CAMK4: variants seen among roughly 807,000 people sequenced by gnomAD.
CAMK4 encodes calcium/calmodulin dependent protein kinase IV, also known as calcium/calmodulin-dependent protein kinase type IV.
Under a neutral mutation model 44.9 loss-of-function variants are expected in CAMK4, and 22 were observed. That is an observed-to-expected ratio of 0.49 (90% CI 0.35 to 0.70). The LOEUF is 0.70. Ranked by LOEUF, CAMK4 falls within the 30% of genes least tolerant of loss-of-function variation. The pLI, the probability that CAMK4 is intolerant of heterozygous loss-of-function variation, is 0.01. For synonymous variants in CAMK4, 218 were observed against 215.4 expected (o/e 1.01, Z -0.11); for missense variants, 498 against 586.8 (o/e 0.85, Z 1.56).
At chr5:111,264,832 C>A (rs753715825) in intron 1 of CAMK4, among the ~76,000 whole-genome samples, 1 of 152,048 alleles carries the variant, frequency 6.6e-6, no homozygotes, top group Non-Finnish European at 1.5e-5. Flanking sequence ...TCCCCTGTTT[C>A]CCTGAGGTCT....
intron 5 of CAMK4, among the ~76,000 whole-genome samples, chr5:111,442,831 A>G (rs1050666751): frequency 6.7e-6 from 1 of 149,316 alleles, no homozygotes; most frequent in Non-Finnish European, 1.5e-5. Flanking sequence ...ATATTTTTAA[A>G]TATTTTAATA....
intron 1 of CAMK4, among the ~76,000 whole-genome samples, chr5:111,236,035 C>T (rs1269103240): frequency 6.6e-6 from 1 of 152,180 alleles, no homozygotes; most frequent in Non-Finnish European, 1.5e-5. Flanking sequence ...GGCATAAAGC[C>T]CCGCACCTCA....
chr5:111,363,167 A>C (rs989792997), intron 2 of CAMK4, among the ~76,000 whole-genome samples: 3 of 152,050 alleles, frequency 2.0e-5, no homozygotes, highest in Admixed American at 6.6e-5. Flanking sequence ...ATATTTTTCC[A>C]AGTGTTCTTC....
At position 111,487,034 on chromosome 5, in the gene CAMK4, T is replaced by C. The variant is rs1435420246; in HGVS notation, c.*2568T>C. 1 of 152,202 alleles carries C rather than the reference T, an allele frequency of 6.6e-6. No homozygotes were observed. The highest frequency in any genetic ancestry group is 2.4e-5 in the African/African-American group (1 of 41,452). 9.4% of individuals were successfully genotyped at this position (152,202 alleles called of 1,614,324 possible). The stretch of plus-strand genomic sequence containing the variant: ...CATATACATACATCCTAAGTTAGGA[T>C]AATTATGTTAACATTTTTGAAAGAA... On this transcript the variant is annotated 3_prime_UTR_variant, in exon 11 of 11. Coordinates refer to ENST00000282356, the MANE Select transcript of CAMK4 (RefSeq NM_001744.6).
intron 1 of CAMK4, among the ~76,000 whole-genome samples, chr5:111,249,628 G>C (rs1749391909): frequency 7.7e-6 from 1 of 130,366 alleles, no homozygotes; most frequent in Non-Finnish European, 1.6e-5. Context: ...ATATTTGTGT[G>C]TATATATATA....
chr5:111,273,677 T>TTATATATATATATA (rs1160351356), intron 1 of CAMK4, among the ~76,000 whole-genome samples: 14 of 41,112 alleles, frequency 3.4e-4, no homozygotes, highest in East Asian at 6.2e-4. Context: ...AAAAATGCAT[T>TTATATATATATATA]TATATATATA....
intron 9 of CAMK4, among the ~76,000 whole-genome samples, chr5:111,481,532 G>A (rs1413734177): frequency 3.9e-5 from 6 of 152,266 alleles, no homozygotes; most frequent in South Asian, 2.1e-4. Context: ...TTGACTTGCC[G>A]CCTGATTTCC....
At chr5:111,446,636 A>G (rs770541384) in intron 5 of CAMK4, 50 bp from the exon 6 acceptor site, 5 of 933,696 alleles carry the variant, frequency 5.4e-6, no homozygotes, top group Middle Eastern at 2.2e-4. Context: ...TAGACATTCG[A>G]ACCATAAATA....
intron 1 of CAMK4, among the ~76,000 whole-genome samples, chr5:111,313,208 G>C (rs1748283121): frequency 6.6e-6 from 1 of 152,030 alleles, no homozygotes; most frequent in Non-Finnish European, 1.5e-5. Flanking sequence ...CCTCTCCTCT[G>C]CCTATGAGAT....
chr5:111,383,600 A>T (rs1353652658), intron 4 of CAMK4, among the ~76,000 whole-genome samples: 1 of 150,484 alleles, frequency 6.6e-6, no homozygotes, highest in Non-Finnish European at 1.5e-5. Context: ...CTGGAATTAG[A>T]TGTGTTACAA....
chr5:111,423,657 C>T (rs537645197), intron 5 of CAMK4, among the ~76,000 whole-genome samples: 1 of 152,328 alleles, frequency 6.6e-6, no homozygotes, highest in East Asian at 1.9e-4. Context: ...TTGAATATCA[C>T]TGAGGGAGAG....
chr5:111,400,067 G>A (rs1391400834), intron 5 of CAMK4, among the ~76,000 whole-genome samples: 2 of 152,060 alleles, frequency 1.3e-5, no homozygotes, highest in Non-Finnish European at 2.9e-5. Context: ...TCTGACTCAA[G>A]TCTGCAAAGA....
intron 1 of CAMK4, among the ~76,000 whole-genome samples, chr5:111,331,051 G>A (rs1258698737): frequency 6.6e-6 from 1 of 151,626 alleles, no homozygotes; most frequent in African/African-American, 2.4e-5. Flanking sequence ...TTTATGACTT[G>A]AGGATGAGCA....
At chr5:111,264,023 C>T (rs1285642897) in intron 1 of CAMK4, among the ~76,000 whole-genome samples, 2 of 152,216 alleles carry the variant, frequency 1.3e-5, no homozygotes, top group Non-Finnish European at 2.9e-5. Context: ...AACTGCCAAG[C>T]TTACTACTTT....
At chr5:111,325,472 C>A (rs530178197) in intron 1 of CAMK4, among the ~76,000 whole-genome samples, 4 of 152,084 alleles carry the variant, frequency 2.6e-5, no homozygotes, top group African/African-American at 9.7e-5. Context: ...AATTTACACT[C>A]TCACCAACGA....
Position 111,492,262 on chromosome 5 carries a change from T to A in CAMK4, c.*7796T>A, listed in dbSNP as rs1484552344. 1 of 152,230 alleles carries A rather than the reference T, an allele frequency of 6.6e-6. No individual in the cohort carries two copies. Among genetic ancestry groups the A allele is most frequent in the Admixed American group, 6.5e-5 (1 of 15,278 alleles). The allele number at this position is 152,230 out of a possible 1,614,324, so 9.4% of individuals were successfully genotyped here. On this transcript the variant is annotated 3_prime_UTR_variant, in exon 11 of 11. Transcript: ENST00000282356. ...GAAATATTTAGTAGAAAGTGCAATA[T>A]CAATTTATTAGGAGTACCTAAAATT...
chr5:111,273,710 TATATATATAC>T lies in CAMK4; in HGVS notation c.161+49068_161+49077del, dbSNP rs1405187008. Among the ~76,000 whole-genome samples the T allele has an allele frequency of 7.4e-4, 44 of 59,088 alleles. 1 individual carries two copies. Among genetic ancestry groups the T allele is most frequent in the East Asian group, 6.5e-3 (7 of 1,074 alleles). 38.8% of individuals were successfully genotyped at this position (59,088 alleles called of 152,430 possible). On this transcript the variant is annotated intron_variant, in intron 1 of 10. Transcript: ENST00000282356. ...ATATATATATATATATATATATATA[TATATATATAC>T]ACACACATACATACACACACACACG... is the stretch of plus-strand genomic sequence containing the variant.
At chr5:111,251,049 A>G (rs1749467981) in intron 1 of CAMK4, among the ~76,000 whole-genome samples, 1 of 152,208 alleles carries the variant, frequency 6.6e-6, no homozygotes, top group Admixed American at 6.5e-5. Context: ...ATTCTTTGCT[A>G]TGGCTTGCTA....
intron 1 of CAMK4, among the ~76,000 whole-genome samples, chr5:111,267,703 C>CA (rs59699712): frequency 0.022 from 1,564 of 71,390 alleles, 44 homozygotes; most frequent in African/African-American, 0.035. Flanking sequence ...GACTCCGTCT[C>CA]AAAAAAAAAA....
Sources: gnomAD v4.1 joint callset for allele counts (sites outside exome capture counted in the v4.1 genomes callset) on GRCh38, gnomAD v4.1.1 for gene constraint, MANE v1.5 for transcripts, NCBI Gene and HGNC (gene_info 2026-07-23, HGNC 2026-07-21) for gene names.